CTNNA2: variants seen among roughly 807,000 people sequenced by gnomAD.
CTNNA2 encodes catenin alpha 2, also known as catenin alpha-2.
CTNNA2 carries 42 observed loss-of-function variants against 101.0 expected under a neutral mutation model. The observed-to-expected ratio is 0.42, with a 90% CI of 0.32 to 0.54. The LOEUF (loss-of-function observed/expected upper bound fraction) is 0.54, where lower values mean the gene tolerates loss of function less well. Among genes scored for constraint, CTNNA2 ranks in the 20% least tolerant of loss-of-function variants. The pLI is 0.14. For missense variants in CTNNA2, 871 were observed against 1,223.1 expected, an observed-to-expected ratio of 0.71 and a Z score of 4.29; for synonymous variants, 450 against 456.4, an observed-to-expected ratio of 0.99 and a Z score of 0.18.
At chr2:80,336,516 CA>C (rs1170682534) in intron 7 of CTNNA2, among the ~76,000 whole-genome samples, 1 of 152,196 alleles carries the variant, frequency 6.6e-6, no homozygotes, top group East Asian at 1.9e-4. Context: ...TCACCTTATG[CA>C]GATTATTATC....
chr2:79,495,171 G>A (rs1116974), intron 4 of CTNNA2, among the ~76,000 whole-genome samples: 78,917 of 151,896 alleles, frequency 0.52, 20,743 homozygotes, highest in African/African-American at 0.58. Context: ...TGACACCATA[G>A]AAGGAAAAGA....
At chr2:80,066,210 T>A (rs1697976552) in intron 7 of CTNNA2, among the ~76,000 whole-genome samples, 1 of 152,196 alleles carries the variant, frequency 6.6e-6, no homozygotes, top group Non-Finnish European at 1.5e-5. Context: ...GTAACCTCAT[T>A]TGTCTGGTTT....
intron 3 of CTNNA2, among the ~76,000 whole-genome samples, chr2:79,333,750 C>G (rs1381849387): frequency 6.6e-6 from 1 of 151,942 alleles, no homozygotes; most frequent in Non-Finnish European, 1.5e-5. Flanking sequence ...TGAAAAATCA[C>G]CTAATTGTTT....
At chr2:79,648,649 A>G (rs1680997810) in intron 1 of CTNNA2, among the ~76,000 whole-genome samples, 1 of 152,166 alleles carries the variant, frequency 6.6e-6, no homozygotes. Context: ...GGCTGATATG[A>G]AGCTAAAATG....
At chr2:79,280,623 C>CTGTGTGTG (rs369268407) in intron 2 of CTNNA2, among the ~76,000 whole-genome samples, 18,754 of 127,990 alleles carry the variant, frequency 0.15, 1,469 homozygotes, top group Middle Eastern at 0.22. Flanking sequence ...ATCCTGTATG[C>CTGTGTGTG]TGTGTGTGTG....
chr2:80,194,419 T>A (rs1238513736), intron 7 of CTNNA2, among the ~76,000 whole-genome samples: 1 of 152,128 alleles, frequency 6.6e-6, no homozygotes, highest in Non-Finnish European at 1.5e-5. Flanking sequence ...AGTTTAGCAG[T>A]GCTTCAACAT....
At chr2:79,643,349 G>C (rs906351966) in intron 1 of CTNNA2, among the ~76,000 whole-genome samples, 6 of 152,132 alleles carry the variant, frequency 3.9e-5, no homozygotes, top group Non-Finnish European at 8.8e-5. Flanking sequence ...TGGCATGTGT[G>C]GTGATGGTTC....
intron 7 of CTNNA2, among the ~76,000 whole-genome samples, chr2:80,308,676 C>T (rs955157797): frequency 3.3e-5 from 5 of 151,994 alleles, no homozygotes; most frequent in East Asian, 1.9e-4. Flanking sequence ...CTTAAAGCAA[C>T]GTGGTAACAT....
intron 7 of CTNNA2, among the ~76,000 whole-genome samples, chr2:80,139,948 A>G (rs1029075173): frequency 6.6e-6 from 1 of 152,100 alleles, no homozygotes; most frequent in African/African-American, 2.4e-5. Context: ...CAAAGAATCA[A>G]CTCTTCTCAC....
intron 9 of CTNNA2, among the ~76,000 whole-genome samples, chr2:80,515,611 G>A (rs1689050180): frequency 6.6e-6 from 1 of 152,164 alleles, no homozygotes; most frequent in African/African-American, 2.4e-5. Context: ...GAATGAGAAG[G>A]CATTCATCCC....
intron 3 of CTNNA2, among the ~76,000 whole-genome samples, chr2:79,338,622 C>T (rs1260657077): frequency 2.0e-5 from 3 of 149,692 alleles, no homozygotes. Context: ...TCTTCTTCTT[C>T]TTCTTCTTCT....
At chr2:79,227,057 A>C (rs72816688) in intron 2 of CTNNA2, among the ~76,000 whole-genome samples, 2,943 of 152,256 alleles carry the variant, frequency 0.019, 33 homozygotes, top group Middle Eastern at 0.034. Flanking sequence ...TTCTATGTTA[A>C]AAATGAAAAT....
chr2:80,332,690 T>C (rs1671439153), intron 7 of CTNNA2, among the ~76,000 whole-genome samples: 2 of 152,160 alleles, frequency 1.3e-5, no homozygotes, highest in African/African-American at 4.8e-5. Context: ...AGAGCAGGCA[T>C]GGTATGATCT....
At chr2:79,299,867 G>T (rs1019412960) in intron 2 of CTNNA2, among the ~76,000 whole-genome samples, 1 of 152,172 alleles carries the variant, frequency 6.6e-6, no homozygotes, top group Non-Finnish European at 1.5e-5. Context: ...CCATAAATTA[G>T]AAACAGATGT....
chr2:79,584,543 T>G (rs1676353420), intron 1 of CTNNA2, among the ~76,000 whole-genome samples: 1 of 151,888 alleles, frequency 6.6e-6, no homozygotes, highest in African/African-American at 2.4e-5. Context: ...TTTCTTTTTT[T>G]GACGGAGTCT....
intron 7 of CTNNA2, among the ~76,000 whole-genome samples, chr2:79,952,361 G>A (rs898526273): frequency 6.6e-6 from 1 of 152,058 alleles, no homozygotes; most frequent in African/African-American, 2.4e-5. Context: ...CTTTGCACAG[G>A]GATGGACAGA....
intron 7 of CTNNA2, among the ~76,000 whole-genome samples, chr2:79,950,464 G>A (rs1328656155): frequency 1.3e-5 from 2 of 152,184 alleles, no homozygotes; most frequent in African/African-American, 4.8e-5. Context: ...ACATGAATGG[G>A]TTCAGAGGCT....
At chr2:79,193,304 C>A (rs7595533) in intron 1 of CTNNA2, among the ~76,000 whole-genome samples, 17,935 of 152,090 alleles carry the variant, frequency 0.12, 1,145 homozygotes, top group Middle Eastern at 0.21. Context: ...AACAGACCAC[C>A]TATGTGACTG....
chr2:79,922,969 T>A (rs1327562912), intron 7 of CTNNA2, among the ~76,000 whole-genome samples: 1 of 152,132 alleles, frequency 6.6e-6, no homozygotes, highest in Non-Finnish European at 1.5e-5. Flanking sequence ...ATCTTTTCCC[T>A]AATGTGTATA....
Sources: gnomAD v4.1 joint callset for allele counts (sites outside exome capture counted in the v4.1 genomes callset) on GRCh38, gnomAD v4.1.1 for gene constraint, MANE v1.5 for transcripts, NCBI Gene and HGNC (gene_info 2026-07-23, HGNC 2026-07-21) for gene names.